ADGRD1: variants seen among roughly 807,000 people sequenced by gnomAD.
The protein encoded by ADGRD1 is G-protein coupled receptor 133.
A neutral mutation model predicts 113.4 loss-of-function variants in ADGRD1; 77 were observed. The observed-to-expected ratio is 0.68, with a 90% CI of 0.57 to 0.82. ADGRD1 has a LOEUF of 0.82. Ranked by LOEUF, ADGRD1 falls within the 40% of genes least tolerant of loss-of-function variation. ADGRD1 has a pLI of 0.00. For synonymous variants in ADGRD1, 474 were observed against 475.0 expected (o/e 1.00, Z 0.03); for missense variants, 1,036 against 1,139.1 (o/e 0.91, Z 1.30).
At chr12:131,007,127 C>T (rs562430440) in intron 12 of ADGRD1, among the ~76,000 whole-genome samples, 10 of 152,334 alleles carry the variant, frequency 6.6e-5, no homozygotes, top group African/African-American at 2.2e-4. Flanking sequence ...ATCCGTGCCA[C>T]GGCCCACAAC....
At chr12:131,079,007 C>T (rs11061315) in intron 14 of ADGRD1, among the ~76,000 whole-genome samples, 2,888 of 152,224 alleles carry the variant, frequency 0.019, 95 homozygotes, top group African/African-American at 0.066. Flanking sequence ...TTGCAGTCAT[C>T]CCTTCCTCTC....
At chr12:131,090,045 G>A (rs899035947) in intron 15 of ADGRD1, among the ~76,000 whole-genome samples, 3 of 152,196 alleles carry the variant, frequency 2.0e-5, no homozygotes, top group Non-Finnish European at 4.4e-5. Context: ...AGGAAGGGAA[G>A]GGCCCAGTCC....
chr12:131,072,296 C>G (rs2137142586), intron 13 of ADGRD1, among the ~76,000 whole-genome samples: 1 of 152,260 alleles, frequency 6.6e-6, no homozygotes, highest in Middle Eastern at 3.4e-3. Context: ...GGGTCTCTTA[C>G]CAGACCAGCA....
rs1873429650 is a variant in ADGRD1 at position 130,984,801 on chromosome 12, C to T, written c.491-2294C>T. On this transcript the variant is annotated intron_variant, in intron 5 of 24. Transcript: ENST00000261654. This position sits in a 1 kb window ranked among gnomAD's most constrained non-coding sequence, Gnocchi z 4.1. ...CCTCCTCTCTCTTTTCCTTCTTTCC[C>T]TCCCTCCCTTCCTCCCTCCCTTCCT... Among the ~76,000 whole-genome samples the T allele has an allele frequency of 6.7e-6, 1 of 149,834 alleles. No homozygotes were observed. Among genetic ancestry groups the T allele is most frequent in the African/African-American group, 2.5e-5 (1 of 40,684 alleles).
chr12:131,011,513 T>A (rs1877890207), intron 12 of ADGRD1, among the ~76,000 whole-genome samples: 1 of 152,144 alleles, frequency 6.6e-6, no homozygotes, highest in South Asian at 2.1e-4. Flanking sequence ...ACCCACTGTG[T>A]CAGGCGTGGT....
intron 15 of ADGRD1, among the ~76,000 whole-genome samples, chr12:131,094,129 GC>G (rs1205697733): frequency 1.3e-5 from 2 of 151,078 alleles, no homozygotes; most frequent in African/African-American, 2.4e-5. Flanking sequence ...TCGGTACCCA[GC>G]CCTGAGCACC....
At chr12:131,020,293 T>G (rs1879170802) in intron 13 of ADGRD1, among the ~76,000 whole-genome samples, 2 of 144,894 alleles carry the variant, frequency 1.4e-5, no homozygotes, top group Admixed American at 6.8e-5. Context: ...CCAAGCTCCA[T>G]CCAGGGCAGG....
chr12:131,137,108 T>G, intron 23 of ADGRD1, 94 bp downstream of exon 23: 2 of 1,036,438 alleles, frequency 1.9e-6, no homozygotes, highest in East Asian at 4.7e-5. Flanking sequence ...CCTGTCAGGG[T>G]GGTGTCTGGG....
intron 13 of ADGRD1, among the ~76,000 whole-genome samples, chr12:131,021,690 G>T (rs1330749079): frequency 6.6e-6 from 1 of 152,086 alleles, no homozygotes; most frequent in Non-Finnish European, 1.5e-5. Flanking sequence ...TCCCTCGTGC[G>T]TGTCTGTGTC....
Position 131,139,427 on chromosome 12 carries a change from A to T in ADGRD1, c.*164A>T, listed in dbSNP as rs1409056074. The T allele has an allele frequency of 4.9e-6, 3 of 613,278 alleles. No individual in the cohort carries two copies. In the Admixed American group the frequency reaches 7.2e-5, roughly 15 times the overall value. The allele number at this position is 613,278 out of a possible 1,614,324, so 38.0% of individuals were successfully genotyped here. On this transcript the variant is annotated 3_prime_UTR_variant, in exon 25 of 25. Transcript: ENST00000261654. ...CCCCTGTGACTCTGGCTGTCGGAGC[A>T]CACTGCTCAGCCCAGCAGCCTGATG...
At chr12:131,116,716 T>C (rs1423164165) in intron 18 of ADGRD1, among the ~76,000 whole-genome samples, 1 of 152,232 alleles carries the variant, frequency 6.6e-6, no homozygotes, top group Non-Finnish European at 1.5e-5. Context: ...CTGTGTCTCT[T>C]GAGCATCCTC....
At position 130,971,339 on chromosome 12, in the gene ADGRD1, T is replaced by A. The variant is rs1871620197; in HGVS notation, c.188-119T>A. ...AATAATATATGATGTTATAAATATA[T>A]ACTTAGATAAATAATAATGCATACT... On this transcript the variant is annotated intron_variant, in intron 3 of 24. Transcript: ENST00000261654. The surrounding 1 kb of genome is among the most constrained non-coding windows in gnomAD (Gnocchi z 4.2). 1 of 527,504 alleles carries A rather than the reference T, an allele frequency of 1.9e-6. No individual in the cohort carries two copies. Among genetic ancestry groups the A allele is most frequent in the African/African-American group, 2.0e-5 (1 of 51,210 alleles). The allele number at this position is 527,504 out of a possible 1,614,324, so 32.7% of individuals were successfully genotyped here.
At chr12:131,014,610 CG>C (rs1336886376) in intron 13 of ADGRD1, among the ~76,000 whole-genome samples, 3 of 152,174 alleles carry the variant, frequency 2.0e-5, no homozygotes, top group African/African-American at 7.2e-5. Flanking sequence ...GGAGCGATCA[CG>C]GATCTTCCTC....
At chr12:131,016,003 G>A (rs1878527309) in intron 13 of ADGRD1, among the ~76,000 whole-genome samples, 2 of 152,212 alleles carry the variant, frequency 1.3e-5, no homozygotes, top group Non-Finnish European at 2.9e-5. Context: ...TGCACCTCTG[G>A]CTCTCCTTCC....
At chr12:131,102,513 G>C (rs994937525) in intron 15 of ADGRD1, among the ~76,000 whole-genome samples, 1 of 152,316 alleles carries the variant, frequency 6.6e-6, no homozygotes, top group East Asian at 1.9e-4. Flanking sequence ...TCGGGCCCCC[G>C]GGAGGCCCCT....
chr12:131,013,086 C>A (rs755583881), intron 12 of ADGRD1, among the ~76,000 whole-genome samples: 2 of 152,194 alleles, frequency 1.3e-5, no homozygotes, highest in African/African-American at 4.8e-5. Flanking sequence ...TGAGCACCTT[C>A]TTCAATCTTG....
chr12:130,977,468 G>A (rs115311815), intron 4 of ADGRD1: 3,306 of 152,356 alleles, frequency 0.022, 46 homozygotes, highest in South Asian at 0.045. Flanking sequence ...TGAGGCAGCC[G>A]GGAAACGGGC....
chr12:131,061,500 A>T (rs1884328465), intron 13 of ADGRD1, among the ~76,000 whole-genome samples: 1 of 152,206 alleles, frequency 6.6e-6, no homozygotes, highest in Non-Finnish European at 1.5e-5. Context: ...TTTATAGTTG[A>T]TCTGATGTTG....
rs370814817 is a variant in ADGRD1 at position 131,139,279 on chromosome 12, A to G, written c.*16A>G. 8 of 1,587,300 alleles carry G rather than the reference A, an allele frequency of 5.0e-6. No individual in the cohort carries two copies. Among genetic ancestry groups the G allele is most frequent in the African/African-American group, 2.7e-5 (2 of 74,302 alleles). On this transcript the variant is annotated 3_prime_UTR_variant, in exon 25 of 25. Coordinates refer to ENST00000261654, the MANE Select transcript of ADGRD1 (RefSeq NM_198827.5). The stretch of plus-strand genomic sequence containing the variant: ...AGCCGTGTGAGCCGGGAGGCTGCCA[A>G]CCAGGCCAGGCTGCGCTCAGAACAC...
Sources: allele counts gnomAD v4.1 joint callset (sites outside exome capture counted in the v4.1 genomes callset), GRCh38; gene constraint gnomAD v4.1.1; non-coding constraint Gnocchi (gnomAD v3.1); transcripts MANE v1.5; gene names NCBI Gene and HGNC (gene_info 2026-07-23, HGNC 2026-07-21).